The following NAALADL2 variants were observed in gnomAD, a reference collection of about 807,000 sequenced individuals.
NAALADL2 encodes the protein inactive N-acetylated-alpha-linked acidic dipeptidase-like protein 2.
Under a neutral mutation model 87.2 loss-of-function variants are expected in NAALADL2, and 76 were observed. That is an observed-to-expected ratio of 0.87 (90% confidence interval 0.72 to 1.05). The LOEUF is 1.05. Among genes scored for constraint, NAALADL2 ranks in the 50% least tolerant of loss-of-function variants. The probability of loss-of-function intolerance (pLI) is 0.00; values close to 1 mark genes in which losing one functional copy is unlikely to be tolerated. For synonymous variants in NAALADL2, 354 were observed against 331.0 expected, an observed-to-expected ratio of 1.07 and a Z score of -0.75; for missense variants, 1,089 against 945.8, an observed-to-expected ratio of 1.15 and a Z score of -1.99.
Position 175,160,217 on chromosome 3 carries a change from T to C in NAALADL2, c.545+62926T>C, listed in dbSNP as rs575097610. On this transcript the variant is annotated intron_variant, in intron 2 of 13. Coordinates refer to ENST00000454872, the MANE Select transcript of NAALADL2 (RefSeq NM_207015.3). ...TACAGTGGTAGTTTTGATTATATAA[T>C]AAATTGTTCCCAATATTAGCTACCA... Among the ~76,000 whole-genome samples the C allele has an allele frequency of 3.9e-5, 6 of 152,026 alleles. No homozygotes were observed. The East Asian group carries it at 9.7e-4, about 24-fold the overall frequency.
intron 11 of NAALADL2, among the ~76,000 whole-genome samples, chr3:175,728,739 G>C (rs1743264212): frequency 6.6e-6 from 1 of 152,142 alleles, no homozygotes; most frequent in Non-Finnish European, 1.5e-5. Flanking sequence ...CCTCTGCTCT[G>C]AAAGTTAAAA....
intron 1 of NAALADL2, among the ~76,000 whole-genome samples, chr3:175,057,362 T>G (rs972100611): frequency 1.3e-4 from 20 of 152,164 alleles, no homozygotes; most frequent in African/African-American, 3.9e-4. Context: ...CAATTCTTGA[T>G]GTATTCTTAG....
chr3:175,039,521 C>A (rs1384251614), intron 1 of NAALADL2, among the ~76,000 whole-genome samples: 1 of 152,092 alleles, frequency 6.6e-6, no homozygotes, highest in African/African-American at 2.4e-5. Context: ...CTTCTGAGAC[C>A]TGGACAATAG....
At chr3:175,660,898 A>G (rs1732157166) in intron 11 of NAALADL2, among the ~76,000 whole-genome samples, 1 of 152,022 alleles carries the variant, frequency 6.6e-6, no homozygotes, top group South Asian at 2.1e-4. Flanking sequence ...TTCTTTATTC[A>G]TCTGTTGATG....
intron 5 of NAALADL2, among the ~76,000 whole-genome samples, chr3:175,438,571 G>A (rs1202490385): frequency 6.6e-6 from 1 of 151,918 alleles, no homozygotes; most frequent in African/African-American, 2.4e-5. Flanking sequence ...TAAAATCTCA[G>A]TTTTTTTCAG....
At chr3:174,748,269 C>T in intron 3 of NAALADL2, among the ~76,000 whole-genome samples, 1 of 151,890 alleles carries the variant, frequency 6.6e-6, no homozygotes, top group East Asian at 1.9e-4. Flanking sequence ...ACATGTTTAC[C>T]TATGTAAGGA....
At chr3:174,971,385 CTA>C (rs1388308682) in intron 1 of NAALADL2, among the ~76,000 whole-genome samples, 1 of 152,174 alleles carries the variant, frequency 6.6e-6, no homozygotes, top group Non-Finnish European at 1.5e-5. Flanking sequence ...CATTTGCTTT[CTA>C]TCTTAAAGAT....
chr3:174,887,452 AT>A (rs1254013646), intron 1 of NAALADL2, among the ~76,000 whole-genome samples: 1 of 152,112 alleles, frequency 6.6e-6, no homozygotes, highest in South Asian at 2.1e-4. Flanking sequence ...CTTGTTATTC[AT>A]TTTCTGAGTT....
At position 174,994,910 on chromosome 3, in the gene NAALADL2, G is replaced by T. The variant is rs1050647527; in HGVS notation, c.44-101880G>T. ...CTCTCTTCAGAGTTTCTTTGTAACA[G>T]TCATCCCTTGTCAATGGTAAGCACG... On this transcript the variant is annotated intron_variant, in intron 1 of 13. Coordinates refer to ENST00000454872, the MANE Select transcript of NAALADL2 (RefSeq NM_207015.3). 3.3e-5 allele frequency among the ~76,000 whole-genome samples: 5 copies of T among 152,144 alleles called. No individual in the cohort carries two copies. In the South Asian group the frequency reaches 1.0e-3, roughly 32 times the overall value.
chr3:175,267,506 T>C (rs1322903357), intron 4 of NAALADL2, among the ~76,000 whole-genome samples: 3 of 152,178 alleles, frequency 2.0e-5, no homozygotes, highest in African/African-American at 4.8e-5. Flanking sequence ...TAGATCCTTT[T>C]ATGCTCAAAT....
intron 1 of NAALADL2, among the ~76,000 whole-genome samples, chr3:174,969,933 TAAG>T (rs1489460569): frequency 6.6e-6 from 1 of 152,176 alleles, no homozygotes; most frequent in Non-Finnish European, 1.5e-5. Flanking sequence ...GAAATCAAGG[TAAG>T]AAAAATATGT....
chr3:175,721,353 TAATAA>T (rs1333124184), intron 11 of NAALADL2, among the ~76,000 whole-genome samples: 5 of 152,118 alleles, frequency 3.3e-5, no homozygotes, highest in Admixed American at 2.0e-4. Context: ...AAACACAAAA[TAATAA>T]AATAAATGCA....
intron 4 of NAALADL2, among the ~76,000 whole-genome samples, chr3:175,292,575 T>G (rs1755764011): frequency 7.2e-6 from 1 of 139,130 alleles, no homozygotes; most frequent in African/African-American, 2.8e-5. Flanking sequence ...ATAAATGCAG[T>G]CTGATTGTGA....
At chr3:175,304,265 A>G (rs566127523) in intron 4 of NAALADL2, among the ~76,000 whole-genome samples, 1 of 152,292 alleles carries the variant, frequency 6.6e-6, no homozygotes, top group Non-Finnish European at 1.5e-5. Flanking sequence ...GGATATGCGG[A>G]AATGAATTTA....
intron 4 of NAALADL2, among the ~76,000 whole-genome samples, chr3:175,283,171 C>A (rs1299552744): frequency 1.3e-5 from 2 of 152,026 alleles, no homozygotes; most frequent in Non-Finnish European, 2.9e-5. Context: ...TATCTATGTG[C>A]ATTAATATTT....
chr3:175,408,842 G>A (rs1041549968), intron 5 of NAALADL2, among the ~76,000 whole-genome samples: 9 of 152,030 alleles, frequency 5.9e-5, no homozygotes, highest in African/African-American at 2.2e-4. Flanking sequence ...TCACATGCTG[G>A]AATAGGTAGT....
chr3:174,457,961 G>A (rs1189438170), intron 1 of NAALADL2, among the ~76,000 whole-genome samples: 1 of 152,124 alleles, frequency 6.6e-6, no homozygotes, highest in African/African-American at 2.4e-5. Flanking sequence ...ACACATAGAG[G>A]TGAATGACAG....
intron 1 of NAALADL2, among the ~76,000 whole-genome samples, chr3:175,068,633 T>G (rs531952442): frequency 6.6e-6 from 1 of 152,220 alleles, no homozygotes; most frequent in East Asian, 1.9e-4. Flanking sequence ...TCAAGTTCAC[T>G]TGGGAATAAA....
chr3:174,602,730 T>C (rs1404142011), intron 2 of NAALADL2, among the ~76,000 whole-genome samples: 1 of 152,050 alleles, frequency 6.6e-6, no homozygotes, highest in African/African-American at 2.4e-5. Context: ...ACTTTCATAT[T>C]TCCCTCATTT....
Sources: allele counts gnomAD v4.1 joint callset (sites outside exome capture counted in the v4.1 genomes callset), GRCh38; gene constraint gnomAD v4.1.1; transcripts MANE v1.5; gene names NCBI Gene and HGNC (gene_info 2026-07-23, HGNC 2026-07-21).